The following RPRD2 variants were observed in gnomAD, a reference collection of about 807,000 sequenced individuals.
RPRD2 encodes the protein regulation of nuclear pre-mRNA domain containing 2, also known as regulation of nuclear pre-mRNA domain-containing protein 2.
Under a neutral mutation model 104.4 loss-of-function variants are expected in RPRD2, and 12 were observed. The ratio of observed to expected loss-of-function variants is 0.11; its 90% CI spans 0.07 to 0.19. The LOEUF (loss-of-function observed/expected upper bound fraction) is 0.19. Among genes scored for constraint, RPRD2 ranks in the 10% least tolerant of loss-of-function variants. The pLI, the probability that RPRD2 is intolerant of heterozygous loss-of-function variation, is 1.00. For synonymous variants in RPRD2, 714 were observed against 684.9 expected, an observed-to-expected ratio of 1.04 and a Z score of -0.66; for missense variants, 1,543 against 1,790.1, an observed-to-expected ratio of 0.86 and a Z score of 2.49.
intron 1 of RPRD2, among the ~76,000 whole-genome samples, chr1:150,401,490 A>T (rs1663003029): frequency 6.6e-6 from 1 of 151,398 alleles, no homozygotes; most frequent in Non-Finnish European, 1.5e-5. Context: ...TCCGTCTCAA[A>T]AAAGAAAGGC....
intron 1 of RPRD2, among the ~76,000 whole-genome samples, chr1:150,366,042 C>T (rs1659822306): frequency 6.6e-6 from 1 of 152,086 alleles, no homozygotes; most frequent in African/African-American, 2.4e-5. Context: ...TTCCATTTTG[C>T]TGCTTTACTG....
intron 2 of RPRD2, among the ~76,000 whole-genome samples, chr1:150,425,212 TAAAC>T (rs1444531274): frequency 6.6e-6 from 1 of 152,214 alleles, no homozygotes; most frequent in African/African-American, 2.4e-5. Context: ...TGACATTTAA[TAAAC>T]AATAAATATT....
In RPRD2 at chr1:150,364,575, A is replaced by T. The variant is rs1178505281; in HGVS notation, c.-140A>T. 1 of 596,312 alleles carries T rather than the reference A, an allele frequency of 1.7e-6. No homozygotes were observed. Among genetic ancestry groups the T allele is most frequent in the Non-Finnish European group, 2.9e-6 (1 of 340,450 alleles). 36.9% of individuals were successfully genotyped at this position (596,312 alleles called of 1,614,324 possible). ...CCCGTCCGTACCTCCAGAAGAGCCC[A>T]GCGCGTGCACCATCCCCACCCCCTA... On this transcript the variant is annotated 5_prime_UTR_variant, in exon 1 of 11. Transcript: ENST00000369068.
At chr1:150,387,749 AC>A (rs1320309464) in intron 1 of RPRD2, among the ~76,000 whole-genome samples, 16 of 148,750 alleles carry the variant, frequency 1.1e-4, no homozygotes, top group African/African-American at 3.7e-4. Context: ...GCACCATGAC[AC>A]CCGGCTAATT....
At chr1:150,415,166 T>C (rs1553888336) in intron 1 of RPRD2, among the ~76,000 whole-genome samples, 1 of 151,836 alleles carries the variant, frequency 6.6e-6, no homozygotes, top group Non-Finnish European at 1.5e-5. Context: ...CCATCTCTAC[T>C]AAAAATACAA....
chr1:150,424,438 C>T (rs1664974739), intron 2 of RPRD2, among the ~76,000 whole-genome samples: 1 of 152,088 alleles, frequency 6.6e-6, no homozygotes, highest in Admixed American at 6.6e-5. Context: ...CAGGCGAGCG[C>T]CACCATGCCC....
chr1:150,368,079 T>C (rs587774687), intron 1 of RPRD2, among the ~76,000 whole-genome samples: 177 of 152,206 alleles, frequency 1.2e-3, no homozygotes, highest in African/African-American at 4.1e-3. Context: ...TACATTGATC[T>C]GTAAGTCCTG....
chr1:150,468,663 GC>G, intron 10 of RPRD2, among the ~76,000 whole-genome samples: 1 of 152,142 alleles, frequency 6.6e-6, no homozygotes, highest in Non-Finnish European at 1.5e-5. Flanking sequence ...AATCACTTGA[GC>G]CCAAGATTTT....
chr1:150,466,871 A>G (rs1668314864), intron 10 of RPRD2, among the ~76,000 whole-genome samples: 1 of 152,194 alleles, frequency 6.6e-6, no homozygotes, highest in Non-Finnish European at 1.5e-5. Context: ...AGGGCAATAT[A>G]TTCAGTGTAG....
chr1:150,420,917 C>T (rs911509524), intron 2 of RPRD2, among the ~76,000 whole-genome samples: 2 of 152,150 alleles, frequency 1.3e-5, no homozygotes, highest in African/African-American at 4.8e-5. Flanking sequence ...TTATCTACAT[C>T]AGGGGGGCAA....
chr1:150,392,875 A>G (rs1389280050), intron 1 of RPRD2, among the ~76,000 whole-genome samples: 1 of 152,104 alleles, frequency 6.6e-6, no homozygotes, highest in Non-Finnish European at 1.5e-5. Context: ...CTTCCCCAAA[A>G]GGTACAGAGG....
At chr1:150,455,319 T>G (rs1359918339) in intron 7 of RPRD2, among the ~76,000 whole-genome samples, 1 of 152,026 alleles carries the variant, frequency 6.6e-6, no homozygotes, top group Non-Finnish European at 1.5e-5. Context: ...CTGGACAACA[T>G]GGTGAAACCC....
Position 150,471,848 on chromosome 1 carries a change from A to G in RPRD2, c.2900A>G (p.His967Arg), listed in dbSNP as rs1668607646. Residue 967 changes from histidine (H) to arginine (R), a missense_variant, in exon 11 of 11, where the codon CAC becomes CGC. Around this residue, in one of 4 missense-constraint regions of RPRD2, gnomAD observed 880 missense variants for 885.6 expected, o/e 0.99. Coordinates refer to ENST00000369068, the MANE Select transcript of RPRD2 (RefSeq NM_015203.5). The surrounding 1 kb of genome is among the most constrained non-coding windows in gnomAD (Gnocchi z 5.3). The stretch of plus-strand genomic sequence containing the variant: ...CAGAAGCAGTACCCAGACTCTCCTC[A>G]CCCAGTCCCACATCGTTCCCTTTTC... ...LPQKQYPDSP[H>R]PVPHRSLFSP... 6.2e-7 allele frequency: 1 copy of G among 1,613,710 alleles called. No homozygotes were observed. The highest frequency in any genetic ancestry group is 2.2e-5 in the East Asian group (1 of 44,856).
chr1:150,384,763 T>C (rs907197867), intron 1 of RPRD2, among the ~76,000 whole-genome samples: 4 of 151,502 alleles, frequency 2.6e-5, no homozygotes, highest in Non-Finnish European at 5.9e-5. Flanking sequence ...TGCCTCGGCC[T>C]CCCAAAGTGG....
intron 2 of RPRD2, among the ~76,000 whole-genome samples, chr1:150,434,854 T>C (rs1553892777): frequency 2.0e-5 from 3 of 152,072 alleles, no homozygotes; most frequent in African/African-American, 4.8e-5. Context: ...GGAATAGTTA[T>C]AAAGAGTTGA....
intron 1 of RPRD2, among the ~76,000 whole-genome samples, chr1:150,402,448 T>TG (rs1259802712): frequency 6.6e-6 from 1 of 151,544 alleles, no homozygotes; most frequent in Non-Finnish European, 1.5e-5. Flanking sequence ...GACGTCAAGA[T>TG]GGGAGGATCG....
rs1572482798 is a variant in RPRD2 at position 150,440,798 on chromosome 1, G to C, written c.336-125G>C. The C allele has an allele frequency of 1.4e-5, 9 of 629,402 alleles. No homozygotes were observed. In the East Asian group the frequency reaches 2.4e-4, roughly 17 times the overall value. The allele number at this position is 629,402 out of a possible 1,614,324, so 39.0% of individuals were successfully genotyped here. The stretch of plus-strand genomic sequence containing the variant: ...TTAGTCCTGGATATTATAGAAAAAA[G>C]GTTTTGAAATAAACATCAGAAGAAA... On this transcript the variant is annotated intron_variant, in intron 2 of 10. Coordinates refer to ENST00000369068, the MANE Select transcript of RPRD2 (RefSeq NM_015203.5).
At chr1:150,387,753 G>A (rs782456656) in intron 1 of RPRD2, among the ~76,000 whole-genome samples, 2 of 149,980 alleles carry the variant, frequency 1.3e-5, no homozygotes, top group East Asian at 2.0e-4. Flanking sequence ...CATGACACCC[G>A]GCTAATTTTT....
At chr1:150,371,462 C>T (rs899350468) in intron 1 of RPRD2, among the ~76,000 whole-genome samples, 2 of 152,194 alleles carry the variant, frequency 1.3e-5, no homozygotes, top group Non-Finnish European at 2.9e-5. Context: ...CTCCCGTGTT[C>T]ACTCCATTCT....
Sources: gnomAD v4.1 joint callset for allele counts (sites outside exome capture counted in the v4.1 genomes callset) on GRCh38, gnomAD v4.1.1 for gene constraint, gnomAD v4.1.1 regional missense constraint, Gnocchi (gnomAD v3.1) non-coding constraint, MANE v1.5 for transcripts, NCBI Gene and HGNC (gene_info 2026-07-23, HGNC 2026-07-21) for gene names.